The following MEI4 variants were observed in gnomAD, a reference collection of about 807,000 sequenced individuals.
MEI4 encodes the protein meiosis-specific protein MEI4.
A neutral mutation model predicts 31.4 loss-of-function variants in MEI4; 27 were observed. The ratio of observed to expected loss-of-function variants is 0.86; its 90% CI spans 0.63 to 1.19. The LOEUF (loss-of-function observed/expected upper bound fraction) is 1.19, where lower values mean the gene tolerates loss of function less well. Ranked by LOEUF, MEI4 falls within the 50% of genes most tolerant of loss-of-function variation. MEI4 has a pLI of 0.00. For synonymous variants in MEI4, 122 were observed against 145.4 expected, an observed-to-expected ratio of 0.84 and a Z score of 1.16; for missense variants, 329 against 398.9, an observed-to-expected ratio of 0.82 and a Z score of 1.49.
At chr6:77,766,647 C>T (rs1298575912) in intron 3 of MEI4, among the ~76,000 whole-genome samples, 2 of 152,034 alleles carry the variant, frequency 1.3e-5, no homozygotes, top group Admixed American at 1.3e-4. Context: ...CTCCTGACCT[C>T]GTGATCCGCC....
intron 2 of MEI4, among the ~76,000 whole-genome samples, chr6:77,748,734 C>T (rs1361603389): frequency 6.6e-6 from 1 of 152,154 alleles, no homozygotes; most frequent in Non-Finnish European, 1.5e-5. Context: ...GGTCAGGCTG[C>T]AAATTTTCTA....
chr6:77,913,907 A>G (rs1379654244), intron 4 of MEI4, among the ~76,000 whole-genome samples: 2 of 151,124 alleles, frequency 1.3e-5, no homozygotes, highest in South Asian at 2.1e-4. Context: ...GGTGGCGGGC[A>G]CCTGTAGTCC....
intron 2 of MEI4, among the ~76,000 whole-genome samples, chr6:77,708,675 A>C (rs181571169): frequency 7.9e-5 from 12 of 152,292 alleles, no homozygotes; most frequent in Non-Finnish European, 1.0e-4. Flanking sequence ...CAGATCCCTC[A>C]TGAATTACAT....
At chr6:77,837,957 T>C (rs1172568911) in intron 4 of MEI4, among the ~76,000 whole-genome samples, 1 of 152,172 alleles carries the variant, frequency 6.6e-6, no homozygotes, top group Non-Finnish European at 1.5e-5. Flanking sequence ...CTTAAAATAT[T>C]GACAACAGTG....
At chr6:77,885,235 G>C (rs1289069956) in intron 4 of MEI4, among the ~76,000 whole-genome samples, 1 of 151,104 alleles carries the variant, frequency 6.6e-6, no homozygotes, top group African/African-American at 2.4e-5. Context: ...ACCCAGGCTA[G>C]AGTGCAGTGG....
intron 2 of MEI4, among the ~76,000 whole-genome samples, chr6:77,759,436 A>AAAC (rs1767996067): frequency 6.6e-6 from 1 of 152,176 alleles, no homozygotes; most frequent in African/African-American, 2.4e-5. Context: ...TCTTAGGCTT[A>AAAC]TGTGACCAGT....
chr6:77,864,731 C>T (rs1770971395), intron 4 of MEI4, among the ~76,000 whole-genome samples: 1 of 152,124 alleles, frequency 6.6e-6, no homozygotes, highest in African/African-American at 2.4e-5. Context: ...CTAAGCAGAC[C>T]TAATAGACAT....
chr6:77,686,735 T>G (rs1227312014), intron 1 of MEI4, among the ~76,000 whole-genome samples: 2 of 152,066 alleles, frequency 1.3e-5, no homozygotes, highest in Non-Finnish European at 2.9e-5. Context: ...TTATTGAAGG[T>G]GAAATCTTAG....
At chr6:77,698,212 T>G (rs1392117947) in intron 2 of MEI4, among the ~76,000 whole-genome samples, 1 of 150,044 alleles carries the variant, frequency 6.7e-6, no homozygotes, top group Non-Finnish European at 1.5e-5. Context: ...GGTCTTGACT[T>G]CTTTATCCAA....
intron 2 of MEI4, among the ~76,000 whole-genome samples, chr6:77,731,854 C>T (rs1423422825): frequency 1.3e-5 from 2 of 151,982 alleles, no homozygotes; most frequent in Non-Finnish European, 2.9e-5. Context: ...TATGGCTAGC[C>T]AGTTTTCCAG....
chr6:77,704,684 A>C (rs1248000164), intron 2 of MEI4, among the ~76,000 whole-genome samples: 1 of 152,198 alleles, frequency 6.6e-6, no homozygotes, highest in East Asian at 1.9e-4. Context: ...CTGGAGTTTG[A>C]GAATCACTGG....
At chr6:77,910,411 A>G (rs1451274091) in intron 4 of MEI4, among the ~76,000 whole-genome samples, 3 of 151,746 alleles carry the variant, frequency 2.0e-5, no homozygotes, top group Non-Finnish European at 3.0e-5. Flanking sequence ...TTATACACCA[A>G]TAACAAACAG....
At chr6:77,809,676 T>C (rs1271287764) in intron 3 of MEI4, among the ~76,000 whole-genome samples, 1 of 152,218 alleles carries the variant, frequency 6.6e-6, no homozygotes, top group Non-Finnish European at 1.5e-5. Flanking sequence ...CTGAGAATTC[T>C]GTCTTTTGAC....
chr6:77,703,329 G>C (rs1766263736), intron 2 of MEI4, among the ~76,000 whole-genome samples: 1 of 152,164 alleles, frequency 6.6e-6, no homozygotes, highest in African/African-American at 2.4e-5. Flanking sequence ...CAGTAAAGTA[G>C]GGTGAGTATT....
chr6:77,917,618 G>T lies in MEI4; in HGVS notation c.901-5471G>T, dbSNP rs1452296494. ...CCTTTGCCCACTTTTTGATGGGGTT[G>T]TTTTTTTCTTGTAAATTTGTTTGAG... On this transcript the variant is annotated intron_variant, in intron 4 of 4. Coordinates refer to ENST00000684080, the MANE Select transcript of MEI4 (RefSeq NM_001322247.2). 6.6e-5 allele frequency among the ~76,000 whole-genome samples: 3 copies of T among 45,770 alleles called. 1 individual carries two copies. Among genetic ancestry groups the T allele is most frequent in the African/African-American group, 4.1e-4 (2 of 4,886 alleles). 30.0% of individuals were successfully genotyped at this position (45,770 alleles called of 152,430 possible).
At chr6:77,675,532 C>CT (rs71758588) in intron 1 of MEI4, among the ~76,000 whole-genome samples, 8,918 of 140,018 alleles carry the variant, frequency 0.064, 870 homozygotes, top group African/African-American at 0.22. Flanking sequence ...GGAAATATTG[C>CT]TTTTTTTTTT....
chr6:77,741,771 C>T (rs376416513), intron 2 of MEI4, among the ~76,000 whole-genome samples: 1 of 95,388 alleles, frequency 1.0e-5, no homozygotes, highest in Non-Finnish European at 1.9e-5. Context: ...CCTCCCCCCT[C>T]CCCCCACCCC....
intron 4 of MEI4, among the ~76,000 whole-genome samples, chr6:77,894,155 A>G (rs991935175): frequency 6.6e-6 from 1 of 152,182 alleles, no homozygotes; most frequent in East Asian, 1.9e-4. Flanking sequence ...TTTAACAAAA[A>G]TTATGTAGAA....
intron 4 of MEI4, among the ~76,000 whole-genome samples, chr6:77,910,868 C>T (rs1766418337): frequency 6.7e-6 from 1 of 149,750 alleles, no homozygotes; most frequent in South Asian, 2.1e-4. Context: ...CACTAATTTG[C>T]ATTCCTACTA....
Sources: gnomAD v4.1 joint callset for allele counts (sites outside exome capture counted in the v4.1 genomes callset) on GRCh38, gnomAD v4.1.1 for gene constraint, MANE v1.5 for transcripts, NCBI Gene and HGNC (gene_info 2026-07-23, HGNC 2026-07-21) for gene names.